The following RFTN1 variants were observed in gnomAD, a reference collection of about 807,000 sequenced individuals.
RFTN1 encodes the protein raftlin, lipid raft linker 1.
Under a neutral mutation model 46.5 loss-of-function variants are expected in RFTN1, and 26 were observed. The observed-to-expected ratio is 0.56, with a 90% CI of 0.41 to 0.78. RFTN1 has a LOEUF of 0.78. Ranked by LOEUF, RFTN1 falls within the 30% of genes least tolerant of loss-of-function variation. The probability of loss-of-function intolerance (pLI) is 0.00; values close to 1 mark genes in which losing one functional copy is unlikely to be tolerated. For synonymous variants in RFTN1, 261 were observed against 284.2 expected (o/e 0.92, Z 0.82); for missense variants, 693 against 718.7 (o/e 0.96, Z 0.41).
Position 16,415,612 on chromosome 3 carries a change from T to C in RFTN1, c.333-6129A>G, listed in dbSNP as rs12487995. 3.3e-5 allele frequency among the ~76,000 whole-genome samples: 5 copies of C among 151,640 alleles called. No homozygotes were observed. In the South Asian group the frequency reaches 1.0e-3, roughly 32 times the overall value. ...CAAGAGAAGGGTTAAGAATTTAATTTTGGGACCCTCCACCATGAAGAGGGT... is the reference window on the plus strand; with the variant it reads ...CAAGAGAAGGGTTAAGAATTTAATTCTGGGACCCTCCACCATGAAGAGGGT... On this transcript the variant is annotated intron_variant, in intron 3 of 9. Coordinates refer to ENST00000334133, the MANE Select transcript of RFTN1 (RefSeq NM_015150.2).
rs1436569460 is a variant in RFTN1 at position 16,499,512 on chromosome 3, T to C, written c.-8-5635A>G. ...TGGCCATCTTGCCAGCAGGCCATGC[T>C]GGAAGTAGAGCTTCTGCCTCAGTCA... On this transcript the variant is annotated intron_variant, in intron 1 of 9. Transcript: ENST00000334133. This position sits in a 1 kb window ranked among gnomAD's most constrained non-coding sequence, Gnocchi z 4.9. 6.6e-6 allele frequency among the ~76,000 whole-genome samples: 1 copy of C among 152,230 alleles called. No homozygotes were observed. The highest frequency in any genetic ancestry group is 1.5e-5 in the Non-Finnish European group (1 of 68,032).
chr3:16,493,230 C>T (rs1014017085), intron 2 of RFTN1, among the ~76,000 whole-genome samples: 1 of 133,100 alleles, frequency 7.5e-6, no homozygotes, highest in African/African-American at 2.8e-5. Context: ...AACTGTAATT[C>T]GTTGCTTTTT....
At chr3:16,326,677 G>T in intron 8 of RFTN1, 96 bp downstream of exon 8, 1 of 913,208 alleles carries the variant, frequency 1.1e-6, no homozygotes, top group Non-Finnish European at 1.7e-6. Flanking sequence ...TCTTGCACAG[G>T]ATTAAATAAT....
chr3:16,406,142 G>A (rs552311541), intron 4 of RFTN1, among the ~76,000 whole-genome samples: 3 of 152,352 alleles, frequency 2.0e-5, no homozygotes, highest in South Asian at 4.1e-4. Context: ...CCATCAGTTG[G>A]AATAGCCACG....
At chr3:16,378,994 G>A (rs1436480092) in intron 4 of RFTN1, among the ~76,000 whole-genome samples, 1 of 152,186 alleles carries the variant, frequency 6.6e-6, no homozygotes, top group Non-Finnish European at 1.5e-5. Flanking sequence ...TAAAGCAAGA[G>A]CCAGCCAAAG....
rs1336829115 is a variant in RFTN1 at position 16,344,129 on chromosome 3, A to C, written c.1146+13803T>G. Among the ~76,000 whole-genome samples the C allele has an allele frequency of 6.6e-6, 1 of 152,208 alleles. No homozygotes were observed. The highest frequency in any genetic ancestry group is 1.5e-5 in the Non-Finnish European group (1 of 68,024). On this transcript the variant is annotated intron_variant, in intron 7 of 9. Coordinates refer to ENST00000334133, the MANE Select transcript of RFTN1 (RefSeq NM_015150.2). The surrounding 1 kb of genome is among the most constrained non-coding windows in gnomAD (Gnocchi z 4.4). ...TCTTTTTCATTGGAATTGCTGTCAA[A>C]TCAGGTATGCTTCATTCTATATTAT... is the stretch of plus-strand genomic sequence containing the variant.
chr3:16,386,697 A>G (rs913200841), intron 4 of RFTN1, among the ~76,000 whole-genome samples: 2 of 152,236 alleles, frequency 1.3e-5, no homozygotes, highest in South Asian at 2.1e-4. Flanking sequence ...GCAAAGTGAC[A>G]TGATCAGGCC....
rs572486495 is a variant in RFTN1 at position 16,424,535 on chromosome 3, G to T, written c.332+9316C>A. 6.6e-5 allele frequency among the ~76,000 whole-genome samples: 10 copies of T among 152,240 alleles called. No homozygotes were observed. The South Asian group carries it at 2.1e-3, about 32-fold the overall frequency. On this transcript the variant is annotated intron_variant, in intron 3 of 9. Transcript: ENST00000334133. The surrounding 1 kb of genome is among the most constrained non-coding windows in gnomAD (Gnocchi z 4.7). ...AGTGCTCTCAGACTCTCAGAAACAGGTGTTATGTGAATACAAGCTGCTAAT... is the reference window on the plus strand; with the variant it reads ...AGTGCTCTCAGACTCTCAGAAACAGTTGTTATGTGAATACAAGCTGCTAAT...
Position 16,380,215 on chromosome 3 carries a change from G to A in RFTN1, c.442-2113C>T, listed in dbSNP as rs2073938766. Reference sequence around the variant, plus strand: ...AGAGTAGATTATATAAACTTTCTGTGCCTCAGTTTTCTCATGTATAAAATG... The same window carrying A: ...AGAGTAGATTATATAAACTTTCTGTACCTCAGTTTTCTCATGTATAAAATG... On this transcript the variant is annotated intron_variant, in intron 4 of 9. Transcript: ENST00000334133. The surrounding 1 kb of genome is among the most constrained non-coding windows in gnomAD (Gnocchi z 4.8). 6.6e-6 allele frequency among the ~76,000 whole-genome samples: 1 copy of A among 152,166 alleles called. No homozygotes were observed. Among genetic ancestry groups the A allele is most frequent in the Non-Finnish European group, 1.5e-5 (1 of 68,040 alleles).
intron 8 of RFTN1, among the ~76,000 whole-genome samples, chr3:16,325,984 G>A (rs1286426155): frequency 6.6e-6 from 1 of 152,244 alleles, no homozygotes; most frequent in Non-Finnish European, 1.5e-5. Context: ...TCTGCAGACT[G>A]AGGTTCTAGG....
At chr3:16,478,351 A>C (rs956722194) in intron 2 of RFTN1, among the ~76,000 whole-genome samples, 8 of 152,208 alleles carry the variant, frequency 5.3e-5, no homozygotes, top group African/African-American at 1.9e-4. Flanking sequence ...CCCAATAAGG[A>C]AACTGAGGCA....
At position 16,409,488 on chromosome 3, in the gene RFTN1, A is replaced by G. The variant is rs779280802; in HGVS notation, c.333-5T>C. 30 of 1,576,090 alleles carry G rather than the reference A, an allele frequency of 1.9e-5. No individual in the cohort carries two copies. The highest frequency in any genetic ancestry group is 2.6e-5 in the Non-Finnish European group (30 of 1,145,726). ...TGAAGATCAGTTTTCTGAGATCTGA[A>G]GAGAAAGAAAAGCACACACAGAAAC... is the stretch of plus-strand genomic sequence containing the variant. On this transcript the variant is annotated splice_region_variant and splice_polypyrimidine_tract_variant and intron_variant, in intron 3 of 9. Coordinates refer to ENST00000334133, the MANE Select transcript of RFTN1 (RefSeq NM_015150.2).
chr3:16,417,002 T>C (rs1441108329), intron 3 of RFTN1, among the ~76,000 whole-genome samples: 2 of 137,566 alleles, frequency 1.5e-5, no homozygotes, highest in Admixed American at 7.8e-5. Context: ...AACTTGTTTT[T>C]CTTTTTCTTT....
intron 6 of RFTN1, among the ~76,000 whole-genome samples, chr3:16,362,697 T>G (rs996859525): frequency 2.6e-5 from 4 of 152,210 alleles, no homozygotes; most frequent in African/African-American, 9.7e-5. Flanking sequence ...TACATACAGA[T>G]CTTCTCAATG....
Position 16,513,559 on chromosome 3 carries a change from G to C in RFTN1, c.-126C>G, listed in dbSNP as rs1014687466. ...GCGGCGCGGGGAGGACTTGGGCGCCGGTGGGTGGAGGCGTGGGCGGTGGCG... is the reference window on the plus strand; with the variant it reads ...GCGGCGCGGGGAGGACTTGGGCGCCCGTGGGTGGAGGCGTGGGCGGTGGCG... On this transcript the variant is annotated 5_prime_UTR_variant, in exon 1 of 10. Transcript: ENST00000334133. The surrounding 1 kb of genome is among the most constrained non-coding windows in gnomAD (Gnocchi z 5.4). The C allele has an allele frequency of 6.6e-6, 1 of 152,440 alleles. No individual in the cohort carries two copies. The highest frequency in any genetic ancestry group is 1.5e-5 in the Non-Finnish European group (1 of 68,256). The allele number at this position is 152,440 out of a possible 1,614,324, so 9.4% of individuals were successfully genotyped here.
Position 16,400,504 on chromosome 3 carries a change from T to A in RFTN1, c.441+8871A>T, listed in dbSNP as rs1245442092. Among the ~76,000 whole-genome samples the A allele has an allele frequency of 6.6e-6, 1 of 152,218 alleles. No individual in the cohort carries two copies. Among genetic ancestry groups the A allele is most frequent in the Non-Finnish European group, 1.5e-5 (1 of 68,038 alleles). On this transcript the variant is annotated intron_variant, in intron 4 of 9. Coordinates refer to ENST00000334133, the MANE Select transcript of RFTN1 (RefSeq NM_015150.2). This position sits in a 1 kb window ranked among gnomAD's most constrained non-coding sequence, Gnocchi z 4.5. The stretch of plus-strand genomic sequence containing the variant: ...TCAGCTAGACTCTAAGTTTCACGTG[T>A]CCAGGGCATTACCTAGACCGGCTTA...
Position 16,341,237 on chromosome 3 carries a change from A to T in RFTN1, c.1147-14361T>A, listed in dbSNP as rs769975650. Among the ~76,000 whole-genome samples, 5 of 152,254 alleles carry T rather than the reference A, an allele frequency of 3.3e-5. No homozygotes were observed. Among genetic ancestry groups the T allele is most frequent in the Non-Finnish European group, 5.9e-5 (4 of 68,034 alleles). On this transcript the variant is annotated intron_variant, in intron 7 of 9. Transcript: ENST00000334133. The surrounding 1 kb of genome is among the most constrained non-coding windows in gnomAD (Gnocchi z 4.7). ...CAAAATAGTACAGCCACTACAGAAG[A>T]CAGTTTGGCAGTTTCTTACAAAACT...
At position 16,387,412 on chromosome 3, in the gene RFTN1, G is replaced by A. The variant is rs2074216813; in HGVS notation, c.442-9310C>T. 2.0e-5 allele frequency among the ~76,000 whole-genome samples: 3 copies of A among 152,082 alleles called. No homozygotes were observed. The highest frequency in any genetic ancestry group is 4.1e-4 in the South Asian group (2 of 4,830). On this transcript the variant is annotated intron_variant, in intron 4 of 9. Coordinates refer to ENST00000334133, the MANE Select transcript of RFTN1 (RefSeq NM_015150.2). This position sits in a 1 kb window ranked among gnomAD's most constrained non-coding sequence, Gnocchi z 5.2. ...AGACAAAATCGAGGTCAGAAGCTGA[G>A]AAGCCCATCCCCATGTCCTCTTCTG...
rs1211737076 is a variant in RFTN1, at chr3:16,498,486, T to C, written c.-8-4609A>G. Among the ~76,000 whole-genome samples the C allele has an allele frequency of 2.6e-5, 4 of 152,224 alleles. No individual in the cohort carries two copies. The highest frequency in any genetic ancestry group is 2.6e-4 in the Admixed American group (4 of 15,288). ...TTCAAACTCTGTTAAATTTAATTTGTATCAAGTTTTTCTTTTAATAAATAC... is the reference window on the plus strand; with the variant it reads ...TTCAAACTCTGTTAAATTTAATTTGCATCAAGTTTTTCTTTTAATAAATAC... On this transcript the variant is annotated intron_variant, in intron 1 of 9. Coordinates refer to ENST00000334133, the MANE Select transcript of RFTN1 (RefSeq NM_015150.2). This position sits in a 1 kb window ranked among gnomAD's most constrained non-coding sequence, Gnocchi z 5.2.
Sources: gnomAD v4.1 joint callset for allele counts (sites outside exome capture counted in the v4.1 genomes callset) on GRCh38, gnomAD v4.1.1 for gene constraint, Gnocchi (gnomAD v3.1) non-coding constraint, MANE v1.5 for transcripts, NCBI Gene and HGNC (gene_info 2026-07-23, HGNC 2026-07-21) for gene names.